PTPRD: variants seen among roughly 807,000 people sequenced by gnomAD.
PTPRD encodes receptor-type tyrosine-protein phosphatase delta.
Under a neutral mutation model 214.5 loss-of-function variants are expected in PTPRD, and 34 were observed. The observed-to-expected ratio is 0.16, with a 90% CI of 0.12 to 0.21. The LOEUF is 0.21. Among genes scored for constraint, PTPRD ranks in the 10% least tolerant of loss-of-function variants. PTPRD has a pLI of 1.00. For synonymous variants in PTPRD, 1,128 were observed against 845.7 expected (o/e 1.33, Z -5.79); for missense variants, 2,545 against 2,398.7 (o/e 1.06, Z -1.27).
intron 3 of PTPRD, among the ~76,000 whole-genome samples, chr9:10,271,737 T>G (rs2154383148): frequency 6.6e-6 from 1 of 152,034 alleles, no homozygotes; most frequent in South Asian, 2.1e-4. Flanking sequence ...GAGATGAGGT[T>G]TCACCATGTT....
intron 2 of PTPRD, among the ~76,000 whole-genome samples, chr9:10,487,228 G>T (rs895718743): frequency 6.6e-6 from 1 of 151,996 alleles, no homozygotes; most frequent in Non-Finnish European, 1.5e-5. Context: ...AGATCATTGG[G>T]TCTTCTTTTT....
chr9:8,456,076 G>A (rs540671365), intron 33 of PTPRD, among the ~76,000 whole-genome samples: 2 of 152,170 alleles, frequency 1.3e-5, no homozygotes, highest in African/African-American at 4.8e-5. Flanking sequence ...TCAACATGTA[G>A]AAGGAATTGA....
intron 9 of PTPRD, among the ~76,000 whole-genome samples, chr9:9,370,524 G>A (rs192622626): frequency 0.27 from 40,848 of 150,706 alleles, 5,788 homozygotes; most frequent in Middle Eastern, 0.31. Context: ...GAGATGATGG[G>A]GTTTTCTAGA....
chr9:9,049,387 G>A (rs2099680233), intron 10 of PTPRD, among the ~76,000 whole-genome samples: 1 of 152,108 alleles, frequency 6.6e-6, no homozygotes, highest in African/African-American at 2.4e-5. Context: ...GTTTGTAGTG[G>A]CTCAAGTTAA....
At chr9:10,525,806 C>A (rs1158813459) in intron 2 of PTPRD, among the ~76,000 whole-genome samples, 2 of 151,096 alleles carry the variant, frequency 1.3e-5, no homozygotes. Context: ...GCCATTGAGT[C>A]ATCACAGGGT....
At chr9:8,774,085 A>C (rs1599359522) in intron 11 of PTPRD, among the ~76,000 whole-genome samples, 2 of 152,172 alleles carry the variant, frequency 1.3e-5, no homozygotes, top group African/African-American at 4.8e-5. Context: ...TTATGTAAAT[A>C]TCTATTTCCC....
At chr9:9,060,229 G>C (rs1041860226) in intron 10 of PTPRD, among the ~76,000 whole-genome samples, 1 of 152,162 alleles carries the variant, frequency 6.6e-6, no homozygotes, top group African/African-American at 2.4e-5. Flanking sequence ...TAACACAGCA[G>C]AGGCCAGTAG....
intron 8 of PTPRD, among the ~76,000 whole-genome samples, chr9:9,402,777 A>G (rs566289039): frequency 3.9e-5 from 6 of 152,032 alleles, no homozygotes; most frequent in African/African-American, 1.4e-4. Context: ...TTTTCAGAAA[A>G]ATGAAATAAT....
At chr9:9,262,640 C>G (rs556807611) in intron 9 of PTPRD, among the ~76,000 whole-genome samples, 8 of 151,638 alleles carry the variant, frequency 5.3e-5, no homozygotes, top group African/African-American at 1.9e-4. Flanking sequence ...TCCTTACTAT[C>G]ATCATTCACT....
chr9:10,235,820 G>A (rs930640342), intron 3 of PTPRD, among the ~76,000 whole-genome samples: 1 of 151,950 alleles, frequency 6.6e-6, no homozygotes, highest in Non-Finnish European at 1.5e-5. Context: ...CCTACAATAG[G>A]ACCACTTAAA....
intron 5 of PTPRD, among the ~76,000 whole-genome samples, chr9:9,794,755 C>A (rs1356329651): frequency 2.6e-5 from 4 of 152,112 alleles, no homozygotes; most frequent in Non-Finnish European, 5.9e-5. Flanking sequence ...TGGAATCAAA[C>A]CTGTAGTAAG....
chr9:10,502,611 A>AAATTC (rs1298523532), intron 2 of PTPRD, among the ~76,000 whole-genome samples: 1 of 152,104 alleles, frequency 6.6e-6, no homozygotes, highest in Admixed American at 6.5e-5. Context: ...AGTACCTATC[A>AAATTC]AATTCAAAGA....
chr9:9,784,848 G>A (rs1020592142), intron 5 of PTPRD, among the ~76,000 whole-genome samples: 18 of 145,632 alleles, frequency 1.2e-4, no homozygotes, highest in African/African-American at 4.3e-4. Flanking sequence ...TCTTAATAAT[G>A]TATTATATAT....
chr9:9,411,667 C>T (rs1308530465), intron 8 of PTPRD, among the ~76,000 whole-genome samples: 1 of 152,142 alleles, frequency 6.6e-6, no homozygotes, highest in East Asian at 1.9e-4. Context: ...GAAAAAAGGA[C>T]CTAAACAGGC....
At chr9:10,593,181 T>C (rs2075904895) in intron 2 of PTPRD, among the ~76,000 whole-genome samples, 1 of 151,978 alleles carries the variant, frequency 6.6e-6, no homozygotes. Context: ...CCTAAAGCAG[T>C]GCCTCTTAAA....
At chr9:8,771,962 T>A (rs1019981028) in intron 11 of PTPRD, among the ~76,000 whole-genome samples, 2 of 152,066 alleles carry the variant, frequency 1.3e-5, no homozygotes, top group African/African-American at 4.8e-5. Flanking sequence ...TATCAGACTG[T>A]AAGAATAATT....
At chr9:10,091,216 T>C (rs1008328590) in intron 3 of PTPRD, among the ~76,000 whole-genome samples, 5 of 151,556 alleles carry the variant, frequency 3.3e-5, no homozygotes, top group African/African-American at 9.7e-5. Flanking sequence ...TATGGCATAA[T>C]TTGAGATAAT....
chr9:9,979,727 C>A (rs971588444), intron 4 of PTPRD, among the ~76,000 whole-genome samples: 1 of 152,042 alleles, frequency 6.6e-6, no homozygotes, highest in Non-Finnish European at 1.5e-5. Flanking sequence ...CTAAAGATTG[C>A]AACGAGTGGG....
At chr9:8,380,656 G>A (rs10977018) in intron 37 of PTPRD, among the ~76,000 whole-genome samples, 42,875 of 152,006 alleles carry the variant, frequency 0.28, 7,245 homozygotes, top group East Asian at 0.55. Context: ...AAATCAAGTT[G>A]ATGGAATAAT....
Sources: allele counts gnomAD v4.1 joint callset (sites outside exome capture counted in the v4.1 genomes callset), GRCh38; gene constraint gnomAD v4.1.1; transcripts MANE v1.5; gene names NCBI Gene and HGNC (gene_info 2026-07-23, HGNC 2026-07-21).